NFYC: variants seen among roughly 807,000 people sequenced by gnomAD.
NFYC encodes nuclear transcription factor Y subunit gamma, also known as CAAT box DNA-binding protein subunit C.
Under a neutral mutation model 53.1 loss-of-function variants are expected in NFYC, and 25 were observed. The ratio of observed to expected loss-of-function variants is 0.47; its 90% CI spans 0.34 to 0.66. NFYC has a LOEUF of 0.66. NFYC is among the 30% of genes least tolerant of loss of function. The pLI is 0.01. For missense variants in NFYC, 260 were observed against 422.7 expected (o/e 0.62, Z 3.38); for synonymous variants, 145 against 152.6 (o/e 0.95, Z 0.37).
At chr1:40,727,630 A>G (rs1438817802) in intron 1 of NFYC, among the ~76,000 whole-genome samples, 4 of 150,544 alleles carry the variant, frequency 2.7e-5, no homozygotes, top group African/African-American at 9.8e-5. Flanking sequence ...TCCCAGATTC[A>G]AGTGATTCTC....
chr1:40,738,742 C>G (rs899674669), intron 1 of NFYC, 94 bp from the exon 2 acceptor site: 1 of 838,722 alleles, frequency 1.2e-6, no homozygotes, highest in Non-Finnish European at 1.9e-6. Flanking sequence ...TGAATAGATT[C>G]ATAAAAACAT....
At chr1:40,745,582 C>G (rs1345269086) in intron 2 of NFYC, among the ~76,000 whole-genome samples, 5 of 152,106 alleles carry the variant, frequency 3.3e-5, no homozygotes. Flanking sequence ...TTTTTTGTCT[C>G]TCTCTCTGTC....
chr1:40,754,947 G>T (rs192446828), intron 5 of NFYC, among the ~76,000 whole-genome samples: 1 of 152,160 alleles, frequency 6.6e-6, no homozygotes, highest in Non-Finnish European at 1.5e-5. Context: ...GCATTGATTG[G>T]CATCGTATTC....
chr1:40,766,540 C>G, intron 7 of NFYC, 56 bp from the exon 8 acceptor site: 1 of 1,329,928 alleles, frequency 7.5e-7, no homozygotes, highest in Admixed American at 2.0e-5. Context: ...GAAAGTTTGC[C>G]TGTTTGAGAT....
chr1:40,757,871 G>A lies in NFYC; in HGVS notation c.388-250G>A, dbSNP rs149723370. On this transcript the variant is annotated intron_variant, in intron 5 of 9. Coordinates refer to ENST00000447388, the MANE Select transcript of NFYC (RefSeq NM_014223.5). ...TATTTGCCCGTTTGCAACTTATCAT[G>A]CAATGGGTGATTATTTCGTACTTCA... 3.1e-4 allele frequency: 173 copies of A among 565,988 alleles called. 1 individual carries two copies. Among genetic ancestry groups the A allele is most frequent in the Middle Eastern group, 1.4e-3 (3 of 2,070 alleles). 35.1% of individuals were successfully genotyped at this position (565,988 alleles called of 1,614,324 possible).
chr1:40,717,972 A>G (rs1644198995), intron 1 of NFYC, among the ~76,000 whole-genome samples: 1 of 152,216 alleles, frequency 6.6e-6, no homozygotes, highest in African/African-American at 2.4e-5. Flanking sequence ...AGACACCTAT[A>G]TTTAGTTTCT....
intron 1 of NFYC, among the ~76,000 whole-genome samples, chr1:40,699,557 C>A (rs1269274686): frequency 6.6e-6 from 1 of 152,108 alleles, no homozygotes; most frequent in Non-Finnish European, 1.5e-5. Flanking sequence ...GAAGTTGGGG[C>A]CTTTTAAGAA....
chr1:40,728,146 T>C (rs1644605721), intron 1 of NFYC, among the ~76,000 whole-genome samples: 1 of 151,776 alleles, frequency 6.6e-6, no homozygotes, highest in African/African-American at 2.4e-5. Context: ...ACTCCTGACC[T>C]CAGGTGATCC....
At chr1:40,766,955 G>T in intron 8 of NFYC, 2 of 1,552,190 alleles carry the variant, frequency 1.3e-6, no homozygotes, top group Non-Finnish European at 8.7e-7. Context: ...CCTCGAAGGT[G>T]CCTGAAAGAA....
rs1326886530 is a variant in NFYC at position 40,758,056 on chromosome 1, A to T, written c.388-65A>T. 4 of 1,582,436 alleles carry T rather than the reference A, an allele frequency of 2.5e-6. No homozygotes were observed. In the South Asian group the frequency reaches 3.4e-5, roughly 13 times the overall value. The stretch of plus-strand genomic sequence containing the variant: ...ATAGCCTGTTTGGGGGAAGAGTGGA[A>T]ATTCACTGTGGCGGCTGCTGAGTTG... On this transcript the variant is annotated intron_variant, in intron 5 of 9. Coordinates refer to ENST00000447388, the MANE Select transcript of NFYC (RefSeq NM_014223.5).
chr1:40,742,709 A>G (rs12566786), intron 2 of NFYC, among the ~76,000 whole-genome samples: 32,758 of 152,196 alleles, frequency 0.22, 4,156 homozygotes, highest in South Asian at 0.41. Flanking sequence ...ATATTTGAAC[A>G]AATTAGACTC....
chr1:40,708,301 C>T (rs914832437), intron 1 of NFYC, among the ~76,000 whole-genome samples: 1 of 152,142 alleles, frequency 6.6e-6, no homozygotes, highest in Non-Finnish European at 1.5e-5. Context: ...AGCCTAGCAA[C>T]ATAGTGAGAC....
At position 40,766,657 on chromosome 1, in the gene NFYC, A is replaced by C. The variant is rs748001547; in HGVS notation, c.782A>C (p.Gln261Pro). ...IRLAQPVSGTQVVQGQIQTLA... is the reference protein window; with the variant it reads ...IRLAQPVSGTPVVQGQIQTLA... ...TTAGCCCAGCCTGTATCAGGCACTC[A>C]AGTTGTGCAGGGACAGATCCAGACA... The change falls in exon 8 of 10, where the codon CAA becomes CCA. Residue 261 changes from glutamine to proline, a missense_variant. Gln to Pro is a moderately conservative substitution (Grantham distance 76). Transcript: ENST00000447388. 6.2e-6 allele frequency: 10 copies of C among 1,614,052 alleles called. No individual in the cohort carries two copies. The highest frequency in any genetic ancestry group is 8.5e-6 in the Non-Finnish European group (10 of 1,180,000).
intron 2 of NFYC, among the ~76,000 whole-genome samples, chr1:40,745,399 A>T (rs192942379): frequency 6.6e-6 from 1 of 152,158 alleles, no homozygotes; most frequent in Non-Finnish European, 1.5e-5. Context: ...TGGCATTTCT[A>T]TGTAGTGTCA....
chr1:40,711,238 G>A (rs978234871), intron 1 of NFYC, among the ~76,000 whole-genome samples: 12 of 152,168 alleles, frequency 7.9e-5, no homozygotes, highest in African/African-American at 2.9e-4. Context: ...TGGGGAATTA[G>A]AATGCTTATA....
chr1:40,717,409 T>C (rs1644177261), intron 1 of NFYC, among the ~76,000 whole-genome samples: 1 of 152,184 alleles, frequency 6.6e-6, no homozygotes, highest in Non-Finnish European at 1.5e-5. Context: ...ATAGAGAATA[T>C]CTGTAACTCC....
chr1:40,711,837 T>C (rs2148455116), intron 1 of NFYC, among the ~76,000 whole-genome samples: 1 of 152,246 alleles, frequency 6.6e-6, no homozygotes, highest in East Asian at 1.9e-4. Context: ...ATATGGACAT[T>C]TATTTACTCT....
chr1:40,746,853 T>C (rs1645632001), intron 2 of NFYC, among the ~76,000 whole-genome samples: 1 of 152,208 alleles, frequency 6.6e-6, no homozygotes, highest in African/African-American at 2.4e-5. Flanking sequence ...ACTCCAGGCT[T>C]GTTAAGAAAA....
At position 40,763,539 on chromosome 1, in the gene NFYC, G is replaced by T; in HGVS notation, c.720+493G>T. 4 of 381,818 alleles carry T rather than the reference G, an allele frequency of 1.0e-5. 1 individual carries two copies. Among genetic ancestry groups the T allele is most frequent in the South Asian group, 3.9e-5 (2 of 51,166 alleles). 23.7% of individuals were successfully genotyped at this position (381,818 alleles called of 1,614,324 possible). Reference sequence around the variant, plus strand: ...TTTTTGTATTTTTAGTAGAGATGGGGTTTCACAGTGTTGGCCAGGCTGGTC... The same window carrying T: ...TTTTTGTATTTTTAGTAGAGATGGGTTTTCACAGTGTTGGCCAGGCTGGTC... On this transcript the variant is annotated intron_variant, in intron 7 of 9. Coordinates refer to ENST00000447388, the MANE Select transcript of NFYC (RefSeq NM_014223.5).
Sources: allele counts gnomAD v4.1 joint callset (sites outside exome capture counted in the v4.1 genomes callset), GRCh38; gene constraint gnomAD v4.1.1; transcripts MANE v1.5; gene names NCBI Gene and HGNC (gene_info 2026-07-23, HGNC 2026-07-21).